BMPR1B: variants seen among roughly 807,000 people sequenced by gnomAD.
BMPR1B encodes the protein bone morphogenetic protein receptor type-1B.
BMPR1B carries 12 observed loss-of-function variants against 59.1 expected under a neutral mutation model. The observed-to-expected ratio is 0.20, with a 90% CI of 0.13 to 0.33. BMPR1B has a LOEUF of 0.33. Among genes scored for constraint, BMPR1B ranks in the 10% least tolerant of loss-of-function variants. The probability of loss-of-function intolerance (pLI) is 1.00; values close to 1 mark genes in which losing one functional copy is unlikely to be tolerated. For missense variants in BMPR1B, 550 were observed against 610.9 expected, an observed-to-expected ratio of 0.90 and a Z score of 1.05; for synonymous variants, 237 against 207.3, an observed-to-expected ratio of 1.14 and a Z score of -1.23.
intron 3 of BMPR1B, among the ~76,000 whole-genome samples, chr4:95,016,463 A>G (rs577876068): frequency 4.6e-5 from 7 of 152,340 alleles, no homozygotes; most frequent in East Asian, 1.9e-4. Flanking sequence ...ATTCAAATCT[A>G]TGTTGCAACT....
intron 1 of BMPR1B, among the ~76,000 whole-genome samples, chr4:94,851,306 G>A (rs1278108080): frequency 6.6e-6 from 1 of 152,102 alleles, no homozygotes; most frequent in Non-Finnish European, 1.5e-5. Flanking sequence ...TGAAAGTCTG[G>A]TGACAAAAAT....
At chr4:95,120,248 T>C (rs1445597314) in intron 6 of BMPR1B, among the ~76,000 whole-genome samples, 1 of 152,234 alleles carries the variant, frequency 6.6e-6, no homozygotes, top group African/African-American at 2.4e-5. Flanking sequence ...ATGTACCACA[T>C]TTTGTTTATC....
At chr4:95,006,870 AAT>A (rs1490859361) in intron 3 of BMPR1B, among the ~76,000 whole-genome samples, 1 of 152,040 alleles carries the variant, frequency 6.6e-6, no homozygotes, top group African/African-American at 2.4e-5. Flanking sequence ...TTTACAGTAT[AAT>A]ATATGACTCT....
rs149246366 is a variant in BMPR1B, at chr4:94,935,392, A to G, written c.-113+59492A>G. 7.3e-3 allele frequency among the ~76,000 whole-genome samples: 1,108 copies of G among 152,304 alleles called. 9 individuals carry two copies. The highest frequency in any genetic ancestry group is 0.025 in the African/African-American group (1,059 of 41,560). ...ACTTGGAAGCACTCATTAGACCACC[A>G]AATATGTGTTGTGCACATGCCAGGC... On this transcript the variant is annotated intron_variant, in intron 2 of 12. Coordinates refer to ENST00000515059, the MANE Select transcript of BMPR1B (RefSeq NM_001203.3).
intron 3 of BMPR1B, among the ~76,000 whole-genome samples, chr4:95,061,207 ACAC>A (rs1369764562): frequency 1.1e-3 from 154 of 137,102 alleles, no homozygotes; most frequent in African/African-American, 4.0e-3. Context: ...ACACACACAC[ACAC>A]CACACACCCC....
intron 3 of BMPR1B, among the ~76,000 whole-genome samples, chr4:95,088,206 A>G (rs916905797): frequency 2.0e-5 from 3 of 152,174 alleles, no homozygotes; most frequent in Non-Finnish European, 4.4e-5. Flanking sequence ...AATGGCTTTC[A>G]GCACACTGTT....
intron 2 of BMPR1B, among the ~76,000 whole-genome samples, chr4:94,933,346 T>C (rs1729167584): frequency 6.6e-6 from 1 of 152,144 alleles, no homozygotes; most frequent in South Asian, 2.1e-4. Flanking sequence ...TTTACTATTA[T>C]ACATAATATT....
intron 1 of BMPR1B, among the ~76,000 whole-genome samples, chr4:94,839,798 T>C (rs1724978825): frequency 1.4e-5 from 2 of 145,966 alleles, no homozygotes; most frequent in Non-Finnish European, 3.0e-5. Context: ...TTTGATCCTG[T>C]CATTATGATG....
chr4:95,081,299 A>G (rs892331738), intron 3 of BMPR1B, among the ~76,000 whole-genome samples: 1 of 151,952 alleles, frequency 6.6e-6, no homozygotes, highest in African/African-American at 2.4e-5. Flanking sequence ...GTGAGAACGG[A>G]CTACTACAGG....
At chr4:95,148,475 C>T (rs1422548141) in intron 10 of BMPR1B, among the ~76,000 whole-genome samples, 1 of 151,982 alleles carries the variant, frequency 6.6e-6, no homozygotes. Context: ...GGCCTTGAAC[C>T]TCTAGGCTCA....
intron 3 of BMPR1B, among the ~76,000 whole-genome samples, chr4:95,020,397 G>A (rs931141137): frequency 6.6e-6 from 1 of 152,242 alleles, no homozygotes; most frequent in Admixed American, 6.5e-5. Context: ...GGCCAACATG[G>A]TGAAAGCCGG....
chr4:94,881,829 C>T (rs1726986009), intron 2 of BMPR1B, among the ~76,000 whole-genome samples: 3 of 152,140 alleles, frequency 2.0e-5, no homozygotes, highest in Admixed American at 2.0e-4. Flanking sequence ...GGTTTCACCT[C>T]ATCTGATGGC....
At chr4:94,773,009 T>A (rs927258931) in intron 1 of BMPR1B, among the ~76,000 whole-genome samples, 2 of 152,190 alleles carry the variant, frequency 1.3e-5, no homozygotes, top group African/African-American at 4.8e-5. Flanking sequence ...TGTTCTCATT[T>A]CTCAGGTCAA....
intron 1 of BMPR1B, among the ~76,000 whole-genome samples, chr4:94,801,317 T>A (rs1200940476): frequency 6.6e-6 from 1 of 152,094 alleles, no homozygotes; most frequent in Non-Finnish European, 1.5e-5. Flanking sequence ...GGGAAACTAT[T>A]CCTCTCAGCT....
rs9999603 is a variant in BMPR1B at position 94,872,704 on chromosome 4, C to A, written c.-182-3127C>A. Among the ~76,000 whole-genome samples the A allele has an allele frequency of 7.5e-3, 1,136 of 152,298 alleles. 17 individuals carry two copies. Among genetic ancestry groups the A allele is most frequent in the African/African-American group, 0.026 (1,087 of 41,562 alleles). On this transcript the variant is annotated intron_variant, in intron 1 of 12. Transcript: ENST00000515059. ...CTGCACGCCAGCCTGGGTGACTGAG[C>A]TAGTCCCTGTCTCAAAAATAAACAA...
At chr4:94,864,656 A>G (rs1408939834) in intron 1 of BMPR1B, among the ~76,000 whole-genome samples, 1 of 152,212 alleles carries the variant, frequency 6.6e-6, no homozygotes, top group African/African-American at 2.4e-5. Context: ...CAACTTGGTG[A>G]TATGAGGTCA....
intron 2 of BMPR1B, among the ~76,000 whole-genome samples, chr4:94,933,932 G>A (rs1729190417): frequency 6.6e-6 from 1 of 152,102 alleles, no homozygotes; most frequent in Admixed American, 6.6e-5. Flanking sequence ...CAGTACATAG[G>A]TATTCCGTTG....
chr4:94,785,864 T>C (rs1263483159), intron 1 of BMPR1B, among the ~76,000 whole-genome samples: 1 of 152,102 alleles, frequency 6.6e-6, no homozygotes, highest in African/African-American at 2.4e-5. Context: ...CAATATTGAA[T>C]CCTTAATTTT....
chr4:94,905,015 G>A (rs187601969), intron 2 of BMPR1B, among the ~76,000 whole-genome samples: 2 of 152,036 alleles, frequency 1.3e-5, no homozygotes, highest in East Asian at 3.9e-4. Context: ...TCTATTTTTG[G>A]CAAACACCAT....
Sources: allele counts gnomAD v4.1 joint callset (sites outside exome capture counted in the v4.1 genomes callset), GRCh38; gene constraint gnomAD v4.1.1; transcripts MANE v1.5; gene names NCBI Gene and HGNC (gene_info 2026-07-23, HGNC 2026-07-21).